Variants in ALK observed in about 807,000 individuals in gnomAD.
ALK encodes ALK tyrosine kinase receptor.
ALK carries 74 observed loss-of-function variants against 163.1 expected under a neutral mutation model. The ratio of observed to expected loss-of-function variants is 0.45; its 90% CI spans 0.38 to 0.55. ALK has a LOEUF of 0.55. Ranked by LOEUF, ALK falls within the 20% of genes least tolerant of loss-of-function variation. The pLI is 0.00. For missense variants in ALK, 2,063 were observed against 2,105.3 expected (o/e 0.98, Z 0.39); for synonymous variants, 960 against 843.2 (o/e 1.14, Z -2.40).
rs375924563 is a variant in ALK, at chr2:29,302,957, G to T, written c.1648-5900C>A. On this transcript the variant is annotated intron_variant, in intron 8 of 28. Transcript: ENST00000389048. ...CTAGGAATAACTCTTTTGGACATTG[G>T]CCTAGGCAAAGAATTTATGACTAAG... Among the ~76,000 whole-genome samples the T allele has an allele frequency of 5.3e-5, 8 of 152,198 alleles. No homozygotes were observed. In the South Asian group the frequency reaches 1.7e-3, roughly 32 times the overall value.
chr2:29,443,595 T>C (rs1670598234), intron 4 of ALK, among the ~76,000 whole-genome samples: 1 of 152,184 alleles, frequency 6.6e-6, no homozygotes, highest in South Asian at 2.1e-4. Flanking sequence ...TTGCTCCCAA[T>C]TTCTCACCCC....
At chr2:29,673,207 T>G (rs1353265867) in intron 3 of ALK, among the ~76,000 whole-genome samples, 2 of 140,864 alleles carry the variant, frequency 1.4e-5, no homozygotes, top group African/African-American at 5.7e-5. Context: ...CAATTTTGTC[T>G]TTTGTTGCCA....
chr2:29,692,871 A>G (rs1389758601), intron 3 of ALK, among the ~76,000 whole-genome samples: 1 of 152,270 alleles, frequency 6.6e-6, no homozygotes, highest in African/African-American at 2.4e-5. Context: ...GAAGAGATCA[A>G]TTGTGATATT....
Position 29,284,845 on chromosome 2 carries a change from G to A in ALK, c.1818-9349C>T, listed in dbSNP as rs190596513. 3.9e-5 allele frequency among the ~76,000 whole-genome samples: 6 copies of A among 152,276 alleles called. No homozygotes were observed. The East Asian group carries it at 1.2e-3, about 29-fold the overall frequency. On this transcript the variant is annotated intron_variant, in intron 9 of 28. Transcript: ENST00000389048. ...AATGCCTGGTTGCACATCGTGTGCT[G>A]AGCCACCGGCCGCATCTCTTCTCCT...
In ALK at chr2:29,621,248, A is replaced by AC. The variant is rs113954830; in HGVS notation, c.952+73601_952+73602insG. On this transcript the variant is annotated intron_variant, in intron 3 of 28. Transcript: ENST00000389048. The stretch of plus-strand genomic sequence containing the variant: ...ATGTTTTTCTGAGGTGAGAAAAAAA[A>AC]AACAACACTGTCTTAGATGAATTGT... Among the ~76,000 whole-genome samples, 1,027 of 152,280 alleles carry AC rather than the reference A, an allele frequency of 6.7e-3. 12 individuals carry two copies. The highest frequency in any genetic ancestry group is 0.023 in the African/African-American group (951 of 41,558).
intron 4 of ALK, among the ~76,000 whole-genome samples, chr2:29,414,585 C>G (rs1462766150): frequency 1.3e-5 from 2 of 152,212 alleles, no homozygotes; most frequent in Non-Finnish European, 2.9e-5. Context: ...CCAGCCCATT[C>G]CTTGCATTAG....
At chr2:29,614,508 T>C (rs1675786523) in intron 3 of ALK, among the ~76,000 whole-genome samples, 1 of 152,208 alleles carries the variant, frequency 6.6e-6, no homozygotes, top group Non-Finnish European at 1.5e-5. Context: ...ACTGACAGCA[T>C]GTTCCATCCA....
chr2:29,885,226 A>AC (rs1666957159), intron 1 of ALK, among the ~76,000 whole-genome samples: 1 of 152,178 alleles, frequency 6.6e-6, no homozygotes, highest in Admixed American at 6.5e-5. Context: ...AAGTTCAACA[A>AC]TGAAGGCACT....
chr2:29,645,403 A>G (rs1016229084), intron 3 of ALK, among the ~76,000 whole-genome samples: 40 of 152,174 alleles, frequency 2.6e-4, no homozygotes, highest in African/African-American at 9.4e-4. Flanking sequence ...ATAAGACCCA[A>G]TGGTCAGCTT....
chr2:29,792,162 T>C (rs1664205391), intron 1 of ALK, among the ~76,000 whole-genome samples: 1 of 152,158 alleles, frequency 6.6e-6, no homozygotes, highest in Non-Finnish European at 1.5e-5. Context: ...AATGGAGGGA[T>C]GGGGAATTCT....
intron 4 of ALK, among the ~76,000 whole-genome samples, chr2:29,423,792 G>A (rs1277621679): frequency 6.6e-6 from 1 of 152,134 alleles, no homozygotes; most frequent in Admixed American, 6.5e-5. Flanking sequence ...TTATATACAT[G>A]GGCACATAAA....
intron 1 of ALK, among the ~76,000 whole-genome samples, chr2:29,892,597 T>G (rs1667170835): frequency 6.6e-6 from 1 of 152,168 alleles, no homozygotes; most frequent in African/African-American, 2.4e-5. Context: ...TATTAAGGTA[T>G]TACTGTCCCT....
chr2:29,456,549 G>C (rs1015881843), intron 4 of ALK, among the ~76,000 whole-genome samples: 4 of 152,264 alleles, frequency 2.6e-5, no homozygotes, highest in East Asian at 1.9e-4. Context: ...CTGGTTGCCA[G>C]GGGCTAGAGG....
chr2:29,912,258 T>C (rs544109866), intron 1 of ALK, among the ~76,000 whole-genome samples: 1 of 152,058 alleles, frequency 6.6e-6, no homozygotes, highest in Admixed American at 6.5e-5. Flanking sequence ...CTCAAAAAAC[T>C]ACAAACAGGA....
intron 1 of ALK, among the ~76,000 whole-genome samples, chr2:29,732,004 C>T (rs1030805380): frequency 3.3e-5 from 5 of 152,178 alleles, no homozygotes; most frequent in African/African-American, 1.2e-4. Flanking sequence ...GGGCCTCGCA[C>T]ACTGGGTAAA....
intron 4 of ALK, among the ~76,000 whole-genome samples, chr2:29,510,753 G>A (rs575401592): frequency 8.5e-4 from 130 of 152,160 alleles, no homozygotes; most frequent in Non-Finnish European, 1.7e-3. Flanking sequence ...GATCAGGTGG[G>A]ACACTGGAGT....
intron 3 of ALK, among the ~76,000 whole-genome samples, chr2:29,619,330 A>C (rs1675956722): frequency 6.6e-6 from 1 of 152,242 alleles, no homozygotes; most frequent in South Asian, 2.1e-4. Flanking sequence ...CTTGGGTATC[A>C]TTGGTGCTTT....
intron 4 of ALK, among the ~76,000 whole-genome samples, chr2:29,410,595 C>T (rs989575892): frequency 5.8e-4 from 89 of 152,162 alleles, no homozygotes; most frequent in African/African-American, 2.1e-3. Context: ...TGGCCTATTG[C>T]TCCTAGGTGG....
rs186540822 is a variant in ALK at position 29,744,626 on chromosome 2, A to C, written c.668-26929T>G. 8.9e-4 allele frequency among the ~76,000 whole-genome samples: 136 copies of C among 152,126 alleles called. 1 individual carries two copies. The highest frequency in any genetic ancestry group is 7.5e-3 in the Admixed American group (114 of 15,278). On this transcript the variant is annotated intron_variant, in intron 1 of 28. Coordinates refer to ENST00000389048, the MANE Select transcript of ALK (RefSeq NM_004304.5). Reference sequence around the variant, plus strand: ...TTTATTGATTGATTGATTGAGACAGAGTCTCTCTCTGTCACCCAGGCCAGA... The same window carrying C: ...TTTATTGATTGATTGATTGAGACAGCGTCTCTCTCTGTCACCCAGGCCAGA...
Sources: gnomAD v4.1 joint callset for allele counts (sites outside exome capture counted in the v4.1 genomes callset) on GRCh38, gnomAD v4.1.1 for gene constraint, MANE v1.5 for transcripts, NCBI Gene and HGNC (gene_info 2026-07-23, HGNC 2026-07-21) for gene names.